GRIN2A: variants seen among roughly 807,000 people sequenced by gnomAD.
The protein encoded by GRIN2A is glutamate receptor ionotropic, NMDA 2A.
In GRIN2A, 22 loss-of-function variants were observed where a neutral mutation model predicts 113.4. The ratio of observed to expected loss-of-function variants is 0.19; its 90% CI spans 0.14 to 0.28. The LOEUF (loss-of-function observed/expected upper bound fraction) is 0.28. Among genes scored for constraint, GRIN2A ranks in the 10% least tolerant of loss-of-function variants. The probability of loss-of-function intolerance (pLI) is 1.00; values close to 1 mark genes in which losing one functional copy is unlikely to be tolerated. For missense variants in GRIN2A, 1,502 were observed against 1,887.0 expected (o/e 0.80, Z 3.78); for synonymous variants, 827 against 738.4 (o/e 1.12, Z -1.94).
chr16:9,834,147 A>C lies in GRIN2A; in HGVS notation c.1735T>G (p.Phe579Val). 6.2e-7 allele frequency: 1 copy of C among 1,613,448 alleles called. No individual in the cohort carries two copies. Among genetic ancestry groups the C allele is most frequent in the Non-Finnish European group, 8.5e-7 (1 of 1,179,330 alleles). Residue 579 changes from phenylalanine (F) to valine (V), a missense_variant, in exon 8 of 13, where the codon TTC becomes GTC. Phe to Val is a conservative substitution (Grantham distance 50). Around this residue, in one of 7 missense-constraint regions of GRIN2A, gnomAD observed 82 missense variants for 222.7 expected, o/e 0.37. Coordinates refer to ENST00000330684, the MANE Select transcript of GRIN2A (RefSeq NM_001134407.3). Reference sequence around the variant, plus strand: ...TTTCTGTTGTATCCAACAGGGCTGAAGTATTCAAAGACAAAAACAGCTATG... The same window carrying C: ...TTTCTGTTGTATCCAACAGGGCTGACGTATTCAAAGACAAAAACAGCTATG... The part of the protein sequence containing the change: ...SAIAVFVFEY[F>V]SPVGYNRNLA...
intron 2 of GRIN2A, chr16:10,179,782 T>C: frequency 1.7e-6 from 1 of 604,790 alleles, no homozygotes; most frequent in East Asian, 2.8e-5. Flanking sequence ...TGCTCCTGTG[T>C]ACACCATTTT....
At position 9,757,843 on chromosome 16, in the gene GRIN2A, C is replaced by T; in HGVS notation, c.*5306G>A. 1 of 225,526 alleles carries T rather than the reference C, an allele frequency of 4.4e-6. No individual in the cohort carries two copies. Among genetic ancestry groups the T allele is most frequent in the Non-Finnish European group, 8.8e-6 (1 of 113,038 alleles). 14.0% of individuals were successfully genotyped at this position (225,526 alleles called of 1,614,324 possible). A position where few individuals can be genotyped will look rare whatever the true frequency, so the allele number is the denominator to read the frequency against. ...TAAAGGAAAACCAAATTCAAAGAAG[C>T]ATGGGTAGGTCTTTCTGGGGCAAGT... is the stretch of plus-strand genomic sequence containing the variant. On this transcript the variant is annotated 3_prime_UTR_variant, in exon 13 of 13. Transcript: ENST00000330684.
intron 2 of GRIN2A, among the ~76,000 whole-genome samples, chr16:9,994,184 G>C (rs2046179144): frequency 6.6e-6 from 1 of 152,118 alleles, no homozygotes; most frequent in Non-Finnish European, 1.5e-5. Flanking sequence ...TTCAACAATA[G>C]GCTCATTTTT....
At chr16:10,097,453 C>G (rs2048315486) in intron 2 of GRIN2A, among the ~76,000 whole-genome samples, 1 of 152,164 alleles carries the variant, frequency 6.6e-6, no homozygotes, top group African/African-American at 2.4e-5. Context: ...ATGATCTCAT[C>G]TATGAAGCAA....
At chr16:10,059,719 CG>C (rs1180817716) in intron 2 of GRIN2A, among the ~76,000 whole-genome samples, 15 of 56,856 alleles carry the variant, frequency 2.6e-4, no homozygotes, top group South Asian at 1.8e-3. Flanking sequence ...CCATCGTGAC[CG>C]AAAAAAAAAA....
chr16:10,096,539 A>AACACAC (rs59351819), intron 2 of GRIN2A, among the ~76,000 whole-genome samples: 4,017 of 137,670 alleles, frequency 0.029, 69 homozygotes, highest in African/African-American at 0.043. Flanking sequence ...ATTGTGGTAA[A>AACACAC]ACACACACAC....
At chr16:9,806,879 C>T (rs144819209) in intron 10 of GRIN2A, among the ~76,000 whole-genome samples, 278 of 152,148 alleles carry the variant, frequency 1.8e-3, no homozygotes, top group African/African-American at 6.5e-3. Context: ...TGAATTGTAG[C>T]TCTCATAATT....
At chr16:9,852,318 C>T (rs1002206025) in intron 4 of GRIN2A, among the ~76,000 whole-genome samples, 2 of 152,204 alleles carry the variant, frequency 1.3e-5, no homozygotes, top group Non-Finnish European at 2.9e-5. Context: ...AGCTCCAACA[C>T]TCTTCCTTCC....
intron 4 of GRIN2A, among the ~76,000 whole-genome samples, chr16:9,885,857 C>T (rs2043576806): frequency 6.6e-6 from 1 of 152,262 alleles, no homozygotes; most frequent in African/African-American, 2.4e-5. Flanking sequence ...AGAGCAACTA[C>T]AGGCAGTATT....
At chr16:10,123,285 G>T (rs568304418) in intron 2 of GRIN2A, among the ~76,000 whole-genome samples, 1 of 152,142 alleles carries the variant, frequency 6.6e-6, no homozygotes, top group Non-Finnish European at 1.5e-5. Context: ...GGCTCCCTGC[G>T]TACTTAGATG....
chr16:9,880,649 C>A (rs935254482), intron 4 of GRIN2A, among the ~76,000 whole-genome samples: 4 of 152,170 alleles, frequency 2.6e-5, no homozygotes, highest in African/African-American at 7.2e-5. Context: ...ATTCTGCATA[C>A]CACACAGCTA....
chr16:9,808,929 G>A (rs2042033825), intron 10 of GRIN2A, among the ~76,000 whole-genome samples: 1 of 151,334 alleles, frequency 6.6e-6, no homozygotes, highest in Non-Finnish European at 1.5e-5. Context: ...AAAAAGTCTA[G>A]TGAGAAGAAA....
At chr16:9,765,536 T>G (rs902279258) in intron 12 of GRIN2A, among the ~76,000 whole-genome samples, 3 of 152,198 alleles carry the variant, frequency 2.0e-5, no homozygotes, top group African/African-American at 7.2e-5. Context: ...GAAATTCATG[T>G]GAGGCTCATC....
chr16:9,765,611 G>T (rs1267875498), intron 12 of GRIN2A, among the ~76,000 whole-genome samples: 1 of 152,196 alleles, frequency 6.6e-6, no homozygotes, highest in Non-Finnish European at 1.5e-5. Flanking sequence ...TTACCATCAT[G>T]TGGGGGTGTG....
chr16:10,053,378 C>T (rs560870368), intron 2 of GRIN2A, among the ~76,000 whole-genome samples: 1 of 152,206 alleles, frequency 6.6e-6, no homozygotes, highest in African/African-American at 2.4e-5. Flanking sequence ...CTATTCTTCA[C>T]AACAACCCTC....
rs549357158 is a variant in GRIN2A at position 9,911,454 on chromosome 16, C to T, written c.1008-20354G>A. ...TCAGCTAGTTCCTAGTGTTAGCGATCTTGGGCAAGTTATTTAACTATCCGT... is the reference window on the plus strand; with the variant it reads ...TCAGCTAGTTCCTAGTGTTAGCGATTTTGGGCAAGTTATTTAACTATCCGT... On this transcript the variant is annotated intron_variant, in intron 3 of 12. Transcript: ENST00000330684. Among the ~76,000 whole-genome samples, 7 of 152,180 alleles carry T rather than the reference C, an allele frequency of 4.6e-5. No individual in the cohort carries two copies. The South Asian group carries it at 1.0e-3, about 23-fold the overall frequency.
chr16:9,832,874 C>A (rs1478497736), intron 8 of GRIN2A, among the ~76,000 whole-genome samples: 7 of 152,002 alleles, frequency 4.6e-5, no homozygotes, highest in Non-Finnish European at 8.8e-5. Flanking sequence ...AATCACCACT[C>A]TTCAATGGTG....
intron 10 of GRIN2A, 149 bp from the exon 11 acceptor site, chr16:9,798,613 G>C (rs548394406): frequency 3.2e-6 from 2 of 622,918 alleles, no homozygotes; most frequent in South Asian, 2.0e-5. Context: ...ATCATAAAAG[G>C]ATCTATTTTT....
chr16:10,073,112 C>G (rs531159917), intron 2 of GRIN2A, among the ~76,000 whole-genome samples: 1 of 151,940 alleles, frequency 6.6e-6, no homozygotes, highest in African/African-American at 2.4e-5. Flanking sequence ...CCCACCGCCA[C>G]GTCTGGCTAG....
Sources: gnomAD v4.1 joint callset for allele counts (sites outside exome capture counted in the v4.1 genomes callset) on GRCh38, gnomAD v4.1.1 for gene constraint, gnomAD v4.1.1 regional missense constraint, MANE v1.5 for transcripts, NCBI Gene and HGNC (gene_info 2026-07-23, HGNC 2026-07-21) for gene names.